TBL1X: variants seen among roughly 807,000 people sequenced by gnomAD.
The protein encoded by TBL1X is transducin beta like 1 X-linked, also known as F-box-like/WD repeat-containing protein TBL1X.
In TBL1X, 10 loss-of-function variants were observed where a neutral mutation model predicts 50.7. That is an observed-to-expected ratio of 0.20 (90% CI 0.12 to 0.33). The LOEUF (loss-of-function observed/expected upper bound fraction) is 0.33, where lower values mean the gene tolerates loss of function less well. Ranked by LOEUF, TBL1X falls within the 10% of genes least tolerant of loss-of-function variation. TBL1X has a pLI of 1.00. For missense variants in TBL1X, 340 were observed against 504.4 expected, an observed-to-expected ratio of 0.67 and a Z score of 3.12; for synonymous variants, 190 against 214.7, an observed-to-expected ratio of 0.88 and a Z score of 1.01.
chrX:9,488,088 T>C (rs73186373), intron 1 of TBL1X, among the ~76,000 whole-genome samples: 59 of 112,108 alleles, frequency 5.3e-4, no homozygotes, highest in Non-Finnish European at 9.4e-4. Flanking sequence ...TGGGACATGA[T>C]TTTCTGGGGC....
intron 2 of TBL1X, among the ~76,000 whole-genome samples, chrX:9,633,063 A>G (rs895417353): frequency 1.8e-5 from 2 of 112,343 alleles, no homozygotes; most frequent in Non-Finnish European, 3.8e-5. Context: ...GGGACAAGCA[A>G]TTTTTATCAT....
At chrX:9,688,409 G>A (rs1371755350) in intron 7 of TBL1X, 134 bp downstream of exon 7, 7 of 580,090 alleles carry the variant, frequency 1.2e-5, no homozygotes, top group South Asian at 4.4e-5. Context: ...GTTTGCTTAC[G>A]ATCTGGCCGG....
chrX:9,580,222 A>G (rs767484910), intron 2 of TBL1X, among the ~76,000 whole-genome samples: 1 of 111,894 alleles, frequency 8.9e-6, no homozygotes, highest in Non-Finnish European at 1.9e-5. Flanking sequence ...TATTTTGCCA[A>G]AGTTAAGGAT....
chrX:9,701,710 G>C (rs1371721552), intron 12 of TBL1X, among the ~76,000 whole-genome samples: 1 of 111,134 alleles, frequency 9.0e-6, no homozygotes, highest in African/African-American at 3.3e-5. Context: ...TTAGATGGAG[G>C]AGTCATCAGA....
At chrX:9,670,271 C>A (rs1237903754) in intron 5 of TBL1X, among the ~76,000 whole-genome samples, 1 of 110,814 alleles carries the variant, frequency 9.0e-6, no homozygotes, top group African/African-American at 3.3e-5. Context: ...TGCGAACAAC[C>A]GGTCCTGTGG....
chrX:9,592,137 A>G (rs1368285916), intron 2 of TBL1X, among the ~76,000 whole-genome samples: 1 of 111,660 alleles, frequency 9.0e-6, no homozygotes, highest in Non-Finnish European at 1.9e-5. Context: ...TCTGCTCTTG[A>G]CTTAATAATT....
At chrX:9,557,249 A>C (rs1348086382) in intron 2 of TBL1X, among the ~76,000 whole-genome samples, 5 of 112,577 alleles carry the variant, frequency 4.4e-5, no homozygotes, top group Non-Finnish European at 9.4e-5. Context: ...GAGGTCAGTC[A>C]GGCAGTAAGA....
intron 2 of TBL1X, among the ~76,000 whole-genome samples, chrX:9,574,510 G>A (rs1423151402): frequency 9.3e-6 from 1 of 107,593 alleles, no homozygotes; most frequent in Non-Finnish European, 1.9e-5. Flanking sequence ...CCACAGGAAG[G>A]TCTGTGTGTT....
At chrX:9,712,974 C>G (rs976960404) in intron 16 of TBL1X, among the ~76,000 whole-genome samples, 3 of 111,410 alleles carry the variant, frequency 2.7e-5, no homozygotes, top group Admixed American at 9.5e-5. Context: ...CCCCTGCCCC[C>G]TTTCATCTGC....
chrX:9,530,174 G>A (rs184166298), intron 2 of TBL1X, among the ~76,000 whole-genome samples: 1 of 111,991 alleles, frequency 8.9e-6, no homozygotes, highest in African/African-American at 3.2e-5. Context: ...AAACGAACGT[G>A]CATTTATAAG....
chrX:9,701,373 C>G (rs898346449), intron 12 of TBL1X, among the ~76,000 whole-genome samples: 1 of 109,267 alleles, frequency 9.2e-6, no homozygotes, highest in Non-Finnish European at 1.9e-5. Context: ...AGCCCTCTTA[C>G]CGGCCATTCA....
At chrX:9,583,312 T>G (rs1379827165) in intron 2 of TBL1X, among the ~76,000 whole-genome samples, 2 of 112,370 alleles carry the variant, frequency 1.8e-5, no homozygotes, top group Non-Finnish European at 3.8e-5. Context: ...ATACCTCATC[T>G]CAGGATTCTT....
rs1218496078 is a variant in TBL1X, at chrX:9,717,269, T to G, written c.*1023T>G. 2.7e-5 allele frequency: 3 copies of G among 112,261 alleles called. No homozygotes were observed. Among genetic ancestry groups the G allele is most frequent in the African/African-American group, 9.7e-5 (3 of 30,824 alleles). 9.3% of individuals were successfully genotyped at this position (112,261 alleles called of 1,213,427 possible). A position where few individuals can be genotyped will look rare whatever the true frequency, so the allele number is the denominator to read the frequency against. On this transcript the variant is annotated 3_prime_UTR_variant, in exon 18 of 18. Coordinates refer to ENST00000645353, the MANE Select transcript of TBL1X (RefSeq NM_005647.4). ...TTTTTGGAAAAAAAAATAATATTTT[T>G]ATGTTAAAACAATTTTAAAATCTTA...
chrX:9,539,022 G>C (rs748594556), intron 2 of TBL1X, among the ~76,000 whole-genome samples: 40 of 112,468 alleles, frequency 3.6e-4, no homozygotes, highest in African/African-American at 1.3e-3. Context: ...CGGTGAGTTA[G>C]GGTTACTCTG....
intron 3 of TBL1X, among the ~76,000 whole-genome samples, chrX:9,646,818 T>G (rs1157649714): frequency 8.9e-6 from 1 of 112,109 alleles, no homozygotes; most frequent in African/African-American, 3.2e-5. Context: ...AGATAAAGCT[T>G]CCCCTCCAGT....
chrX:9,542,941 C>T (rs929349505), intron 2 of TBL1X, among the ~76,000 whole-genome samples: 2 of 111,806 alleles, frequency 1.8e-5, no homozygotes, highest in Admixed American at 1.9e-4. Flanking sequence ...TGAGTGCCAG[C>T]CCGTGGCCTG....
intron 2 of TBL1X, among the ~76,000 whole-genome samples, chrX:9,548,164 C>T (rs2082254352): frequency 9.1e-6 from 1 of 109,495 alleles, no homozygotes; most frequent in Non-Finnish European, 1.9e-5. Context: ...TTTATAGTAC[C>T]AATTTGATAA....
chrX:9,467,422 C>G (rs2146919098), intron 1 of TBL1X, among the ~76,000 whole-genome samples: 1 of 112,334 alleles, frequency 8.9e-6, no homozygotes, highest in South Asian at 3.7e-4. Context: ...AGCTGATCAG[C>G]ACAGCTTCTC....
Position 9,611,624 on chromosome X carries a change from G to A in TBL1X, c.-130-28649G>A, listed in dbSNP as rs772039538. Reference sequence around the variant, plus strand: ...GGTCAGGAAGTCATGTCTAAAAGGGGATTTAGTATAACAATAATAACAGCA... The same window carrying A: ...GGTCAGGAAGTCATGTCTAAAAGGGAATTTAGTATAACAATAATAACAGCA... On this transcript the variant is annotated intron_variant, in intron 2 of 17. Transcript: ENST00000645353. Among the ~76,000 whole-genome samples, 4 of 112,253 alleles carry A rather than the reference G, an allele frequency of 3.6e-5. No homozygotes were observed. The South Asian group carries it at 1.1e-3, about 31-fold the overall frequency.
Sources: gnomAD v4.1 joint callset for allele counts (sites outside exome capture counted in the v4.1 genomes callset) on GRCh38, gnomAD v4.1.1 for gene constraint, MANE v1.5 for transcripts, NCBI Gene and HGNC (gene_info 2026-07-23, HGNC 2026-07-21) for gene names.